The following TAFA1 variants were observed in gnomAD, a reference collection of about 807,000 sequenced individuals.
The protein encoded by TAFA1 is chemokine-like protein TAFA-1.
A neutral mutation model predicts 18.5 loss-of-function variants in TAFA1; 4 were observed. That is an observed-to-expected ratio of 0.22 (90% confidence interval 0.11 to 0.49). TAFA1 has a LOEUF of 0.49. Among genes scored for constraint, TAFA1 ranks in the 20% least tolerant of loss-of-function variants. The pLI is 0.98. For missense variants in TAFA1, 147 were observed against 169.0 expected (o/e 0.87, Z 0.72); for synonymous variants, 56 against 55.2 (o/e 1.01, Z -0.06).
chr3:68,183,882 G>A (rs1378578359), intron 2 of TAFA1, among the ~76,000 whole-genome samples: 1 of 152,172 alleles, frequency 6.6e-6, no homozygotes, highest in Non-Finnish European at 1.5e-5. Context: ...ATGCACAGAT[G>A]TGTACTATAT....
intron 2 of TAFA1, among the ~76,000 whole-genome samples, chr3:68,272,330 C>G (rs1270891402): frequency 6.6e-6 from 1 of 152,148 alleles, no homozygotes; most frequent in Non-Finnish European, 1.5e-5. Flanking sequence ...GGTGACATTA[C>G]CTGCTTAGCT....
chr3:68,139,525 T>C (rs1330361425), intron 2 of TAFA1, among the ~76,000 whole-genome samples: 1 of 152,186 alleles, frequency 6.6e-6, no homozygotes. Context: ...ATTTCTTTCC[T>C]TATTCTCTTC....
At chr3:68,188,526 G>T (rs199967262) in intron 2 of TAFA1, among the ~76,000 whole-genome samples, 3,273 of 146,128 alleles carry the variant, frequency 0.022, 67 homozygotes, top group East Asian at 0.054. Context: ...TATATATAGA[G>T]AGAGAGAGAG....
intron 3 of TAFA1, among the ~76,000 whole-genome samples, chr3:68,423,101 A>G (rs972149902): frequency 4.6e-5 from 7 of 152,106 alleles, no homozygotes; most frequent in Admixed American, 3.9e-4. Flanking sequence ...GTTACGTTCT[A>G]TGATTCTGAT....
At chr3:68,418,951 G>C (rs2070899636) in intron 3 of TAFA1, among the ~76,000 whole-genome samples, 1 of 152,106 alleles carries the variant, frequency 6.6e-6, no homozygotes, top group Admixed American at 6.6e-5. Flanking sequence ...CGAGGTTCTG[G>C]CTTAGAGTAT....
intron 2 of TAFA1, among the ~76,000 whole-genome samples, chr3:68,340,069 T>C (rs1443444192): frequency 6.6e-6 from 1 of 152,208 alleles, no homozygotes; most frequent in Admixed American, 6.5e-5. Flanking sequence ...AAACAATAAA[T>C]TAAGCTTAAG....
At chr3:68,354,503 G>T (rs138871092) in intron 2 of TAFA1, among the ~76,000 whole-genome samples, 14 of 151,994 alleles carry the variant, frequency 9.2e-5, no homozygotes, top group African/African-American at 3.1e-4. Flanking sequence ...ACCATCACTT[G>T]TTACCTCCTC....
At chr3:68,302,063 T>C (rs910118543) in intron 2 of TAFA1, among the ~76,000 whole-genome samples, 1 of 152,220 alleles carries the variant, frequency 6.6e-6, no homozygotes, top group Non-Finnish European at 1.5e-5. Context: ...AATGATGAAA[T>C]ATTATATAAG....
chr3:68,283,756 A>G lies in TAFA1; in HGVS notation c.119-133524A>G, dbSNP rs1294225286. ...TACCTCACAACACATCCCACAGCAC[A>G]AAGCAGGGATGGGTAATCATTCCTG... On this transcript the variant is annotated intron_variant, in intron 2 of 4. Coordinates refer to ENST00000478136, the MANE Select transcript of TAFA1 (RefSeq NM_213609.4). Among the ~76,000 whole-genome samples the G allele has an allele frequency of 3.9e-5, 6 of 152,292 alleles. No individual in the cohort carries two copies. In the East Asian group the frequency reaches 1.2e-3, roughly 29 times the overall value.
At chr3:68,425,733 G>A (rs1051116250) in intron 3 of TAFA1, among the ~76,000 whole-genome samples, 11 of 151,908 alleles carry the variant, frequency 7.2e-5, no homozygotes, top group Non-Finnish European at 1.3e-4. Context: ...CTATCTAATA[G>A]CAGATGTTGT....
chr3:68,265,782 C>G (rs551037294), intron 2 of TAFA1, among the ~76,000 whole-genome samples: 5 of 152,172 alleles, frequency 3.3e-5, no homozygotes, highest in Non-Finnish European at 5.9e-5. Context: ...GCTGAGTCAG[C>G]CTTCTACATC....
intron 3 of TAFA1, among the ~76,000 whole-genome samples, chr3:68,517,823 G>T (rs539895876): frequency 3.1e-4 from 47 of 152,154 alleles, no homozygotes; most frequent in Non-Finnish European, 6.0e-4. Flanking sequence ...CACAGCAATT[G>T]CATTTGTATA....
chr3:68,533,239 G>T (rs1429989826), intron 3 of TAFA1, among the ~76,000 whole-genome samples: 1 of 152,122 alleles, frequency 6.6e-6, no homozygotes, highest in Non-Finnish European at 1.5e-5. Context: ...GTTCCATGTG[G>T]CTGGAGAGGC....
At chr3:68,533,833 G>A (rs748293845) in intron 3 of TAFA1, among the ~76,000 whole-genome samples, 15 of 152,008 alleles carry the variant, frequency 9.9e-5, no homozygotes, top group South Asian at 2.1e-4. Flanking sequence ...GACTCAGTTC[G>A]CAAGCTTTAC....
At chr3:68,141,385 A>G (rs1400578333) in intron 2 of TAFA1, among the ~76,000 whole-genome samples, 1 of 152,176 alleles carries the variant, frequency 6.6e-6, no homozygotes, top group Non-Finnish European at 1.5e-5. Context: ...TCCTCATTAT[A>G]TGACAGGAGA....
intron 3 of TAFA1, among the ~76,000 whole-genome samples, chr3:68,433,623 T>C (rs1368861511): frequency 6.6e-6 from 1 of 152,116 alleles, no homozygotes; most frequent in Non-Finnish European, 1.5e-5. Context: ...CTCAAATAAT[T>C]CATGTCTTTT....
intron 2 of TAFA1, among the ~76,000 whole-genome samples, chr3:68,386,209 A>G (rs2070100341): frequency 6.6e-6 from 1 of 152,112 alleles, no homozygotes. Flanking sequence ...TATTTTTTAT[A>G]TGAGGAAACA....
intron 2 of TAFA1, among the ~76,000 whole-genome samples, chr3:68,044,221 A>T (rs551899310): frequency 1.3e-5 from 2 of 152,336 alleles, no homozygotes; most frequent in South Asian, 4.1e-4. Context: ...CCCTTGCAGG[A>T]CTTACTGCAA....
rs77494978 is a variant in TAFA1, at chr3:68,273,045, C to T, written c.119-144235C>T. ...GGTGGGGGGGAATAAAAATAAGTAA[C>T]CCAAAATAAATAACTGCAAATTATG... On this transcript the variant is annotated intron_variant, in intron 2 of 4. Coordinates refer to ENST00000478136, the MANE Select transcript of TAFA1 (RefSeq NM_213609.4). 9.5e-3 allele frequency among the ~76,000 whole-genome samples: 1,439 copies of T among 151,606 alleles called. 51 individuals are homozygous for T. In the East Asian group the frequency reaches 0.11, roughly 12 times the overall value.
Sources: gnomAD v4.1 joint callset for allele counts (sites outside exome capture counted in the v4.1 genomes callset) on GRCh38, gnomAD v4.1.1 for gene constraint, MANE v1.5 for transcripts, NCBI Gene and HGNC (gene_info 2026-07-23, HGNC 2026-07-21) for gene names.